The following MAMDC2 variants were observed in gnomAD, a reference collection of about 807,000 sequenced individuals.
The protein encoded by MAMDC2 is MAM domain-containing protein 2.
In MAMDC2, 57 loss-of-function variants were observed where a neutral mutation model predicts 89.8. The ratio of observed to expected loss-of-function variants is 0.63; its 90% confidence interval spans 0.51 to 0.79. The LOEUF is 0.79. Ranked by LOEUF, MAMDC2 falls within the 30% of genes least tolerant of loss-of-function variation. MAMDC2 has a pLI of 0.00. For synonymous variants in MAMDC2, 313 were observed against 293.4 expected (o/e 1.07, Z -0.68); for missense variants, 800 against 820.6 (o/e 0.97, Z 0.31).
At chr9:70,101,994 CA>C (rs1563954318) in intron 2 of MAMDC2, among the ~76,000 whole-genome samples, 2 of 152,124 alleles carry the variant, frequency 1.3e-5, no homozygotes, top group Non-Finnish European at 2.9e-5. Flanking sequence ...ACAACACGGC[CA>C]ATTTTTCTTT....
chr9:70,175,070 A>G (rs2118551261), intron 11 of MAMDC2, among the ~76,000 whole-genome samples: 1 of 152,206 alleles, frequency 6.6e-6, no homozygotes, highest in East Asian at 1.9e-4. Context: ...GTCACTAGAG[A>G]GTGTTGAACT....
intron 11 of MAMDC2, among the ~76,000 whole-genome samples, chr9:70,204,885 G>C (rs941904827): frequency 1.3e-5 from 2 of 152,210 alleles, no homozygotes; most frequent in Non-Finnish European, 2.9e-5. Flanking sequence ...GTGCTTCCCA[G>C]GTGAGGCAAT....
intron 2 of MAMDC2, among the ~76,000 whole-genome samples, chr9:70,102,554 G>A (rs1467693543): frequency 6.6e-6 from 1 of 152,104 alleles, no homozygotes; most frequent in Non-Finnish European, 1.5e-5. Context: ...GTTATTTATG[G>A]CTTGGCTTCA....
At chr9:70,214,583 T>A (rs1276967954) in intron 11 of MAMDC2, among the ~76,000 whole-genome samples, 1 of 152,244 alleles carries the variant, frequency 6.6e-6, no homozygotes, top group African/African-American at 2.4e-5. Flanking sequence ...ATTTTGCTTT[T>A]GCTTTAGAAG....
At chr9:70,061,231 C>A (rs968826802) in intron 2 of MAMDC2, among the ~76,000 whole-genome samples, 3 of 152,180 alleles carry the variant, frequency 2.0e-5, no homozygotes, top group Admixed American at 6.5e-5. Flanking sequence ...TTGGTTCACA[C>A]AACCACCCTC....
At chr9:70,178,908 T>TA (rs1487141423) in intron 11 of MAMDC2, among the ~76,000 whole-genome samples, 2 of 152,178 alleles carry the variant, frequency 1.3e-5, no homozygotes, top group Non-Finnish European at 2.9e-5. Context: ...ATGGAGCCAT[T>TA]AAACAGTGTG....
intron 2 of MAMDC2, among the ~76,000 whole-genome samples, chr9:70,096,742 A>T (rs925735395): frequency 2.6e-5 from 4 of 152,154 alleles, no homozygotes; most frequent in Non-Finnish European, 5.9e-5. Context: ...ACCCAATGAA[A>T]TACTAACAAG....
chr9:70,224,106 G>A (rs2033609372), intron 12 of MAMDC2, among the ~76,000 whole-genome samples: 1 of 152,034 alleles, frequency 6.6e-6, no homozygotes, highest in Non-Finnish European at 1.5e-5. Context: ...TGTGCACTCA[G>A]GTGTCCTTTT....
chr9:70,127,454 GTTA>G (rs57802664), intron 6 of MAMDC2, among the ~76,000 whole-genome samples: 130,246 of 151,706 alleles, frequency 0.86, 57,194 homozygotes, highest in East Asian at 1. Context: ...GTTACCCCAA[GTTA>G]TTAATATCCT....
At chr9:70,091,017 T>C (rs1477088255) in intron 2 of MAMDC2, among the ~76,000 whole-genome samples, 4 of 149,712 alleles carry the variant, frequency 2.7e-5, no homozygotes, top group Admixed American at 6.6e-5. Flanking sequence ...GAATCGCATA[T>C]AGTATGTTAA....
At chr9:70,059,081 C>A (rs538029124) in intron 2 of MAMDC2, among the ~76,000 whole-genome samples, 3 of 152,124 alleles carry the variant, frequency 2.0e-5, no homozygotes, top group Admixed American at 2.0e-4. Flanking sequence ...TATCCTTATA[C>A]AAAGAAAAAT....
chr9:70,207,603 T>C (rs1046870239), intron 11 of MAMDC2, among the ~76,000 whole-genome samples: 26 of 152,220 alleles, frequency 1.7e-4, no homozygotes, highest in Non-Finnish European at 3.4e-4. Flanking sequence ...CTGATGGTAG[T>C]TTCTTTTGCT....
chr9:70,064,654 C>A (rs1466713146), intron 2 of MAMDC2, among the ~76,000 whole-genome samples: 1 of 152,156 alleles, frequency 6.6e-6, no homozygotes, highest in Non-Finnish European at 1.5e-5. Context: ...CTGTTTCCAT[C>A]CATGCCATGT....
At chr9:70,174,109 A>AG (rs2032428626) in intron 11 of MAMDC2, among the ~76,000 whole-genome samples, 1 of 152,210 alleles carries the variant, frequency 6.6e-6, no homozygotes, top group Non-Finnish European at 1.5e-5. Context: ...GACTGTGGTG[A>AG]GGTTTAAATG....
chr9:70,161,234 A>C (rs2031957985), intron 9 of MAMDC2, among the ~76,000 whole-genome samples: 1 of 152,212 alleles, frequency 6.6e-6, no homozygotes, highest in African/African-American at 2.4e-5. Context: ...TCCAAATAGC[A>C]ATGAAAAAGT....
intron 2 of MAMDC2, among the ~76,000 whole-genome samples, chr9:70,096,860 G>T (rs1828041223): frequency 6.6e-6 from 1 of 152,266 alleles, no homozygotes. Context: ...CAGAGGAAAA[G>T]AACATTTCAA....
At position 70,226,170 on chromosome 9, in the gene MAMDC2, T is replaced by G; in HGVS notation, c.*138T>G. 1.9e-6 allele frequency: 1 copy of G among 513,632 alleles called. No individual in the cohort carries two copies. Among genetic ancestry groups the G allele is most frequent in the Non-Finnish European group, 3.4e-6 (1 of 293,604 alleles). 31.8% of individuals were successfully genotyped at this position (513,632 alleles called of 1,614,324 possible). On this transcript the variant is annotated 3_prime_UTR_variant, in exon 14 of 14. Transcript: ENST00000377182. ...ACTTTAGAGCACCCTCCTTCATTACTTTTGCAAAAACATACTGACTCAGGG... is the reference window on the plus strand; with the variant it reads ...ACTTTAGAGCACCCTCCTTCATTACGTTTGCAAAAACATACTGACTCAGGG...
At chr9:70,078,534 G>T (rs1352262438) in intron 2 of MAMDC2, among the ~76,000 whole-genome samples, 3 of 152,126 alleles carry the variant, frequency 2.0e-5, no homozygotes, top group East Asian at 1.9e-4. Flanking sequence ...CACAAAGTTA[G>T]GAATTCTTAT....
chr9:70,202,787 T>C (rs1240535528), intron 11 of MAMDC2, among the ~76,000 whole-genome samples: 1 of 151,680 alleles, frequency 6.6e-6, no homozygotes, highest in East Asian at 1.9e-4. Context: ...TCTTGTTGAA[T>C]TGATCCCTTT....
Sources: gnomAD v4.1 joint callset for allele counts (sites outside exome capture counted in the v4.1 genomes callset) on GRCh38, gnomAD v4.1.1 for gene constraint, MANE v1.5 for transcripts, NCBI Gene and HGNC (gene_info 2026-07-23, HGNC 2026-07-21) for gene names.